Variants in ADARB2 observed in about 807,000 individuals in gnomAD.
ADARB2 encodes the protein inactive double-stranded RNA-specific editase B2.
In ADARB2, 25 loss-of-function variants were observed where a neutral mutation model predicts 62.2. The observed-to-expected ratio is 0.40, with a 90% CI of 0.29 to 0.56. ADARB2 has a LOEUF of 0.56. Among genes scored for constraint, ADARB2 ranks in the 20% least tolerant of loss-of-function variants. The pLI is 0.43. For synonymous variants in ADARB2, 572 were observed against 500.8 expected, an observed-to-expected ratio of 1.14 and a Z score of -1.90; for missense variants, 1,071 against 1,077.4, an observed-to-expected ratio of 0.99 and a Z score of 0.08.
At position 1,363,793 on chromosome 10, in the gene ADARB2, C is replaced by T. The variant is rs1832286450; in HGVS notation, c.312G>A (p.Glu104=). 6 of 1,598,640 alleles carry T rather than the reference C, an allele frequency of 3.8e-6. No individual in the cohort carries two copies. Among genetic ancestry groups the T allele is most frequent in the Non-Finnish European group, 5.1e-6 (6 of 1,178,992 alleles). The change falls in exon 3 of 10, where the codon GAG becomes GAA. Residue 104 remains glutamate (E), a synonymous_variant. Transcript: ENST00000381312. ...PGAKRKRPLE[E]GNGGHLCKLQ... ...GTTTGCACAAGTGGCCCCCATTCCCCTCCTCCAGCGGCCGCTTCCTCTTCG... is the reference window on the plus strand; with the variant it reads ...GTTTGCACAAGTGGCCCCCATTCCCTTCCTCCAGCGGCCGCTTCCTCTTCG...
intron 1 of ADARB2, among the ~76,000 whole-genome samples, chr10:1,648,976 C>T (rs1262818422): frequency 2.0e-5 from 3 of 152,146 alleles, no homozygotes; most frequent in Non-Finnish European, 4.4e-5. Flanking sequence ...GGCGGGCTGC[C>T]CCTCCACAGT....
At position 1,235,496 on chromosome 10, in the gene ADARB2, CT is replaced by C. The variant is rs1830859130; in HGVS notation, c.1362-1652del. 1.2e-3 allele frequency among the ~76,000 whole-genome samples: 15 copies of C among 12,584 alleles called. 3 individuals are homozygous for C. The highest frequency in any genetic ancestry group is 2.3e-3 in the African/African-American group (8 of 3,458). The allele number at this position is 12,584 out of a possible 152,430, so 8.3% of individuals were successfully genotyped here. ...CCTCTGTCTCCCGGTGTTTACTCCC[CT>C]CTCCCTCCCGGTGTTTACTCCCCTC... On this transcript the variant is annotated intron_variant, in intron 5 of 9. Coordinates refer to ENST00000381312, the MANE Select transcript of ADARB2 (RefSeq NM_018702.4).
rs555812632 is a variant in ADARB2, at chr10:1,493,729, C to CTT, written c.101-114571_101-114570dup. Among the ~76,000 whole-genome samples, 5 of 56,846 alleles carry CTT rather than the reference C, an allele frequency of 8.8e-5. 1 individual carries two copies. Among genetic ancestry groups the CTT allele is most frequent in the African/African-American group, 1.6e-4 (2 of 12,332 alleles). The allele number at this position is 56,846 out of a possible 152,430, so 37.3% of individuals were successfully genotyped here. A position where few individuals can be genotyped will look rare whatever the true frequency, so the allele number is the denominator to read the frequency against. On this transcript the variant is annotated intron_variant, in intron 1 of 9. Transcript: ENST00000381312. ...TCTAGGCACAGCATAATATGGCATT[C>CTT]TTTTTTTTTTTTTTTTTTTTTTTTT...
intron 1 of ADARB2, among the ~76,000 whole-genome samples, chr10:1,392,040 A>G (rs1251067074): frequency 6.6e-6 from 1 of 152,164 alleles, no homozygotes; most frequent in Non-Finnish European, 1.5e-5. Context: ...TGCTGGGATT[A>G]CAGGTGTGAG....
At chr10:1,289,132 G>A (rs1831440764) in intron 3 of ADARB2, among the ~76,000 whole-genome samples, 1 of 152,102 alleles carries the variant, frequency 6.6e-6, no homozygotes, top group South Asian at 2.1e-4. Context: ...TCAAACCCTG[G>A]TCTCCACACC....
In ADARB2 at chr10:1,572,768, G is replaced by A. The variant is rs1378914183; in HGVS notation, c.100+164283C>T. ...TGGGAGGATCCAGAGAGCAGGTGCTGCAGCCTGGGCTCCCCAGGGGCCATC... is the reference window on the plus strand; with the variant it reads ...TGGGAGGATCCAGAGAGCAGGTGCTACAGCCTGGGCTCCCCAGGGGCCATC... On this transcript the variant is annotated intron_variant, in intron 1 of 9. Transcript: ENST00000381312. Among the ~76,000 whole-genome samples, 5 of 152,230 alleles carry A rather than the reference G, an allele frequency of 3.3e-5. No homozygotes were observed. In the East Asian group the frequency reaches 7.7e-4, roughly 23 times the overall value.
At chr10:1,209,755 C>G (rs1486313641) in intron 7 of ADARB2, among the ~76,000 whole-genome samples, 1 of 152,192 alleles carries the variant, frequency 6.6e-6, no homozygotes, top group Non-Finnish European at 1.5e-5. Context: ...GTCATCCACA[C>G]CCTTTCCCAA....
Position 1,347,710 on chromosome 10 carries a change from A to G in ADARB2, c.1077+15318T>C, listed in dbSNP as rs958344608. 2.6e-5 allele frequency among the ~76,000 whole-genome samples: 4 copies of G among 152,128 alleles called. No homozygotes were observed. In the South Asian group the frequency reaches 8.3e-4, roughly 32 times the overall value. ...CTGGTGCACAAGGAGCACAGCCATC[A>G]ACGCCTCCCGACAGCGCTCACAGGT... On this transcript the variant is annotated intron_variant, in intron 3 of 9. Transcript: ENST00000381312.
At chr10:1,373,480 T>A (rs1832391856) in intron 2 of ADARB2, among the ~76,000 whole-genome samples, 1 of 152,204 alleles carries the variant, frequency 6.6e-6, no homozygotes, top group African/African-American at 2.4e-5. Flanking sequence ...TACGAGTGTG[T>A]GCCCGAGCAT....
chr10:1,510,110 C>CTCTCTTTCTTTCTT (rs1554767637), intron 1 of ADARB2, among the ~76,000 whole-genome samples: 10 of 106,184 alleles, frequency 9.4e-5, no homozygotes, highest in South Asian at 3.7e-4. Context: ...CTTTCTTTCT[C>CTCTCTTTCTTTCTT]TCTTTCTTTC....
intron 1 of ADARB2, among the ~76,000 whole-genome samples, chr10:1,650,722 T>C (rs1300259792): frequency 6.6e-6 from 1 of 152,198 alleles, no homozygotes; most frequent in African/African-American, 2.4e-5. Context: ...GTCCGCCCAC[T>C]GCAGTCCCGG....
At chr10:1,510,110 CTCTTTCTTTCTT>C (rs35894676) in intron 1 of ADARB2, among the ~76,000 whole-genome samples, 2,686 of 106,166 alleles carry the variant, frequency 0.025, 45 homozygotes, top group South Asian at 0.028. Flanking sequence ...CTTTCTTTCT[CTCTTTCTTTCTT>C]TCTTTCTTTC....
intron 1 of ADARB2, among the ~76,000 whole-genome samples, chr10:1,714,034 A>G (rs1427439496): frequency 6.6e-6 from 1 of 152,224 alleles, no homozygotes; most frequent in Non-Finnish European, 1.5e-5. Context: ...ATTGCTTCAA[A>G]AAACATTTGA....
chr10:1,375,752 A>G (rs1832417437), intron 2 of ADARB2, among the ~76,000 whole-genome samples: 1 of 151,662 alleles, frequency 6.6e-6, no homozygotes, highest in Admixed American at 6.5e-5. Context: ...TTCACACGCC[A>G]CACACATGCA....
chr10:1,495,867 CCAT>C (rs781695971), intron 1 of ADARB2, among the ~76,000 whole-genome samples: 78 of 151,350 alleles, frequency 5.2e-4, no homozygotes, highest in Admixed American at 9.8e-4. Flanking sequence ...ATCTTCATCA[CCAT>C]CATTATTATC....
intron 6 of ADARB2, among the ~76,000 whole-genome samples, chr10:1,232,379 G>A (rs1830813698): frequency 6.6e-6 from 1 of 151,902 alleles, no homozygotes; most frequent in African/African-American, 2.4e-5. Flanking sequence ...TGTGGTGTGT[G>A]TGGTATGCGT....
chr10:1,438,245 C>G (rs1161147767), intron 1 of ADARB2, among the ~76,000 whole-genome samples: 1 of 150,894 alleles, frequency 6.6e-6, no homozygotes, highest in Non-Finnish European at 1.5e-5. Flanking sequence ...GAAGCAGGTT[C>G]TTCACTATGG....
At chr10:1,659,242 A>C (rs1346431686) in intron 1 of ADARB2, among the ~76,000 whole-genome samples, 1 of 152,152 alleles carries the variant, frequency 6.6e-6, no homozygotes, top group African/African-American at 2.4e-5. Flanking sequence ...TTGCACTGTA[A>C]ATCTGCATTA....
chr10:1,643,237 T>G (rs1455522100), intron 1 of ADARB2, among the ~76,000 whole-genome samples: 2 of 152,196 alleles, frequency 1.3e-5, no homozygotes, highest in Non-Finnish European at 2.9e-5. Flanking sequence ...GATTTCTGCC[T>G]AAAGGGTGTT....
Sources: gnomAD v4.1 joint callset for allele counts (sites outside exome capture counted in the v4.1 genomes callset) on GRCh38, gnomAD v4.1.1 for gene constraint, MANE v1.5 for transcripts, NCBI Gene and HGNC (gene_info 2026-07-23, HGNC 2026-07-21) for gene names.